The following MALRD1 variants were observed in gnomAD, a reference collection of about 807,000 sequenced individuals.
The protein encoded by MALRD1 is MAM and LDL receptor class A domain containing 1.
Under a neutral mutation model 242.1 loss-of-function variants are expected in MALRD1, and 247 were observed. The observed-to-expected ratio is 1.02, with a 90% CI of 0.92 to 1.13. The LOEUF (loss-of-function observed/expected upper bound fraction) is 1.13, where lower values mean the gene tolerates loss of function less well. MALRD1 is among the 50% of genes most tolerant of loss of function. The pLI, the probability that MALRD1 is intolerant of heterozygous loss-of-function variation, is 0.00. For synonymous variants in MALRD1, 995 were observed against 866.6 expected, an observed-to-expected ratio of 1.15 and a Z score of -2.60; for missense variants, 2,989 against 2,533.1, an observed-to-expected ratio of 1.18 and a Z score of -3.86.
chr10:19,662,929 A>G (rs1019076451), intron 36 of MALRD1, among the ~76,000 whole-genome samples: 1 of 152,168 alleles, frequency 6.6e-6, no homozygotes, highest in Non-Finnish European at 1.5e-5. Context: ...TAATCATAGA[A>G]TGTTGACCCT....
intron 7 of MALRD1, among the ~76,000 whole-genome samples, chr10:19,125,769 C>T (rs1426196689): frequency 6.6e-6 from 1 of 151,960 alleles, no homozygotes; most frequent in East Asian, 1.9e-4. Flanking sequence ...TCCTGAGTTA[C>T]AGTTGAACAT....
chr10:19,406,803 CAT>C (rs1847135548), intron 28 of MALRD1, among the ~76,000 whole-genome samples: 1 of 152,120 alleles, frequency 6.6e-6, no homozygotes, highest in South Asian at 2.1e-4. Flanking sequence ...ATTAAGATGA[CAT>C]AGTGCCATAC....
At chr10:19,586,662 G>A (rs1837423611) in intron 33 of MALRD1, among the ~76,000 whole-genome samples, 1 of 152,196 alleles carries the variant, frequency 6.6e-6, no homozygotes, top group African/African-American at 2.4e-5. Flanking sequence ...GTTTGCAGAG[G>A]TTACTGCTGT....
Position 19,125,149 on chromosome 10 carries a change from T to C in MALRD1, c.943+479T>C, listed in dbSNP as rs113288071. Among the ~76,000 whole-genome samples, 1,508 of 151,884 alleles carry C rather than the reference T, an allele frequency of 9.9e-3. 34 individuals carry two copies. The highest frequency in any genetic ancestry group is 0.035 in the African/African-American group (1,450 of 41,412). On this transcript the variant is annotated intron_variant, in intron 7 of 39. Coordinates refer to ENST00000454679, the MANE Select transcript of MALRD1 (RefSeq NM_001142308.3). ...TTAGTGGAGACAGGAATTCACCATG[T>C]TGGCCAGGCTGGTATCAAACTCCTG...
intron 12 of MALRD1, among the ~76,000 whole-genome samples, chr10:19,163,167 A>G (rs80295558): frequency 0.029 from 3,999 of 136,158 alleles, 166 homozygotes; most frequent in East Asian, 0.099. Flanking sequence ...AAAAAAAAAG[A>G]CATCATTCTA....
chr10:19,687,423 A>G (rs116815980), intron 36 of MALRD1, among the ~76,000 whole-genome samples: 4,659 of 152,142 alleles, frequency 0.031, 134 homozygotes, highest in African/African-American at 0.075. Flanking sequence ...ATACCCACCC[A>G]CCAACCCACT....
intron 28 of MALRD1, among the ~76,000 whole-genome samples, chr10:19,430,837 A>G (rs1376435390): frequency 6.6e-6 from 1 of 152,206 alleles, no homozygotes; most frequent in African/African-American, 2.4e-5. Context: ...ATTTGTGTAA[A>G]ACAAGCATAA....
rs140012232 is a variant in MALRD1, at chr10:19,223,643, A to G, written c.2991+13963A>G. On this transcript the variant is annotated intron_variant, in intron 18 of 39. Transcript: ENST00000454679. ...TACATGTGCTGTCGTGGTTTGCTGC[A>G]CCCATCAACCCGTCATCCACATTAA... Among the ~76,000 whole-genome samples, 1,355 of 152,148 alleles carry G rather than the reference A, an allele frequency of 8.9e-3. 15 individuals carry two copies. The highest frequency in any genetic ancestry group is 0.029 in the African/African-American group (1,216 of 41,502).
At chr10:19,261,222 G>A (rs901372315) in intron 19 of MALRD1, among the ~76,000 whole-genome samples, 5 of 152,124 alleles carry the variant, frequency 3.3e-5, no homozygotes, top group African/African-American at 4.8e-5. Context: ...GCAGAGATGC[G>A]AAATGTCAGT....
intron 28 of MALRD1, among the ~76,000 whole-genome samples, chr10:19,407,313 AT>A (rs963163834): frequency 9.2e-5 from 14 of 152,012 alleles, no homozygotes; most frequent in Non-Finnish European, 1.9e-4. Context: ...CTACAAAAAA[AT>A]AACATAAAAT....
At chr10:19,502,493 T>C (rs868866302) in intron 31 of MALRD1, among the ~76,000 whole-genome samples, 4 of 152,122 alleles carry the variant, frequency 2.6e-5, no homozygotes, top group Admixed American at 1.3e-4. Flanking sequence ...TTTGAAAATA[T>C]CAAAATTTAT....
At chr10:19,224,567 A>G (rs1297421173) in intron 18 of MALRD1, among the ~76,000 whole-genome samples, 2 of 152,222 alleles carry the variant, frequency 1.3e-5, no homozygotes, top group African/African-American at 2.4e-5. Flanking sequence ...ATGGGATTAC[A>G]GGCGTGAGCC....
At chr10:19,480,258 G>A (rs1408787778) in intron 29 of MALRD1, among the ~76,000 whole-genome samples, 1 of 152,196 alleles carries the variant, frequency 6.6e-6, no homozygotes. Context: ...ATGTTGCGGA[G>A]AAATCTCACA....
At chr10:19,482,892 C>T (rs1184109348) in intron 29 of MALRD1, among the ~76,000 whole-genome samples, 19 of 151,996 alleles carry the variant, frequency 1.3e-4, no homozygotes, top group Admixed American at 1.2e-3. Flanking sequence ...AGATTCAATG[C>T]TATTCCTATC....
At chr10:19,245,777 G>C (rs1222133836) in intron 18 of MALRD1, among the ~76,000 whole-genome samples, 1 of 152,162 alleles carries the variant, frequency 6.6e-6, no homozygotes, top group South Asian at 2.1e-4. Context: ...TAGTGATTCT[G>C]ATGGTAAGAA....
intron 38 of MALRD1, among the ~76,000 whole-genome samples, chr10:19,709,583 A>G (rs557921003): frequency 2.6e-5 from 4 of 152,258 alleles, no homozygotes; most frequent in South Asian, 2.1e-4. Context: ...CTGAAATTCT[A>G]TGATTTAAAT....
At chr10:19,325,078 A>G (rs1588911979) in intron 22 of MALRD1, among the ~76,000 whole-genome samples, 1 of 142,236 alleles carries the variant, frequency 7.0e-6, no homozygotes. Flanking sequence ...TTCTAACTCA[A>G]TTATTCTGTC....
At chr10:19,073,037 C>G (rs1181576925) in intron 2 of MALRD1, among the ~76,000 whole-genome samples, 2 of 151,838 alleles carry the variant, frequency 1.3e-5, no homozygotes, top group Admixed American at 1.3e-4. Flanking sequence ...GCCTCAGGCC[C>G]TTGAGTAGCT....
intron 36 of MALRD1, among the ~76,000 whole-genome samples, chr10:19,683,759 T>G (rs1474846975): frequency 6.6e-6 from 1 of 152,092 alleles, no homozygotes; most frequent in Non-Finnish European, 1.5e-5. Context: ...TATACATTCT[T>G]TTATTTATTT....
Sources: gnomAD v4.1 joint callset for allele counts (sites outside exome capture counted in the v4.1 genomes callset) on GRCh38, gnomAD v4.1.1 for gene constraint, MANE v1.5 for transcripts, NCBI Gene and HGNC (gene_info 2026-07-23, HGNC 2026-07-21) for gene names.